Variants in MGAT4C observed in about 807,000 individuals in gnomAD.
The protein encoded by MGAT4C is alpha-1,3-mannosyl-glycoprotein 4-beta-N-acetylglucosaminyltransferase C.
A neutral mutation model predicts 40.1 loss-of-function variants in MGAT4C; 19 were observed. The observed-to-expected ratio is 0.47, with a 90% CI of 0.33 to 0.70. The LOEUF (loss-of-function observed/expected upper bound fraction) is 0.70, where lower values mean the gene tolerates loss of function less well. Ranked by LOEUF, MGAT4C falls within the 30% of genes least tolerant of loss-of-function variation. The probability of loss-of-function intolerance (pLI) is 0.02; values close to 1 mark genes in which losing one functional copy is unlikely to be tolerated. For missense variants in MGAT4C, 491 were observed against 563.2 expected (o/e 0.87, Z 1.30); for synonymous variants, 181 against 187.1 (o/e 0.97, Z 0.27).
intron 2 of MGAT4C, among the ~76,000 whole-genome samples, chr12:86,477,711 C>T (rs2136309793): frequency 6.6e-6 from 1 of 152,148 alleles, no homozygotes; most frequent in Non-Finnish European, 1.5e-5. Context: ...TCGTCATTTA[C>T]ATTAGGTATA....
chr12:86,743,419 C>T (rs1951104640), intron 1 of MGAT4C, among the ~76,000 whole-genome samples: 1 of 151,024 alleles, frequency 6.6e-6, no homozygotes, highest in South Asian at 2.1e-4. Flanking sequence ...ATAATGTATC[C>T]CAGGGGAAAA....
At chr12:86,457,563 T>C (rs1957529382) in intron 2 of MGAT4C, among the ~76,000 whole-genome samples, 1 of 152,116 alleles carries the variant, frequency 6.6e-6, no homozygotes. Context: ...ATAAAAAGAA[T>C]ATATATGCTG....
chr12:86,717,080 C>G (rs1950654992), intron 2 of MGAT4C, among the ~76,000 whole-genome samples: 1 of 151,834 alleles, frequency 6.6e-6, no homozygotes, highest in Non-Finnish European at 1.5e-5. Flanking sequence ...AAAAAATAAT[C>G]AAATGTTGTG....
intron 2 of MGAT4C, among the ~76,000 whole-genome samples, chr12:86,523,831 A>T (rs984245380): frequency 2.0e-5 from 3 of 152,090 alleles, no homozygotes; most frequent in African/African-American, 7.2e-5. Flanking sequence ...ACCCTTTATC[A>T]TTATTTAATG....
intron 4 of MGAT4C, among the ~76,000 whole-genome samples, chr12:86,316,847 A>T (rs1300837119): frequency 1.3e-5 from 2 of 152,290 alleles, no homozygotes; most frequent in East Asian, 3.9e-4. Flanking sequence ...CTGCCTACGT[A>T]CCACTCATTC....
At chr12:86,241,901 T>C (rs548924141) in intron 1 of MGAT4C, among the ~76,000 whole-genome samples, 1 of 152,210 alleles carries the variant, frequency 6.6e-6, no homozygotes, top group Admixed American at 6.6e-5. Context: ...TCCTGAGCCT[T>C]GCCTGAGCCT....
At chr12:86,210,294 G>A (rs2135956570) in intron 1 of MGAT4C, among the ~76,000 whole-genome samples, 1 of 152,278 alleles carries the variant, frequency 6.6e-6, no homozygotes, top group Non-Finnish European at 1.5e-5. Flanking sequence ...GGCAGTCACT[G>A]GCTTGCAGGT....
chr12:86,340,017 C>T (rs973444932), intron 3 of MGAT4C, among the ~76,000 whole-genome samples: 2 of 152,116 alleles, frequency 1.3e-5, no homozygotes, highest in African/African-American at 4.8e-5. Flanking sequence ...AGATGCTTGT[C>T]CCCATTTGAA....
chr12:86,462,961 C>T (rs1957623940), intron 2 of MGAT4C, among the ~76,000 whole-genome samples: 1 of 78,900 alleles, frequency 1.3e-5, no homozygotes, highest in Non-Finnish European at 2.4e-5. Flanking sequence ...CAACCAAGAA[C>T]AATACTTTCC....
intron 1 of MGAT4C, among the ~76,000 whole-genome samples, chr12:86,787,776 G>A (rs2136189905): frequency 6.6e-6 from 1 of 152,162 alleles, no homozygotes; most frequent in South Asian, 2.1e-4. Context: ...AGGACAGGAT[G>A]TCACTCTATT....
At chr12:86,147,791 T>G (rs1358327972) in intron 1 of MGAT4C, among the ~76,000 whole-genome samples, 1 of 152,198 alleles carries the variant, frequency 6.6e-6, no homozygotes, top group Non-Finnish European at 1.5e-5. Flanking sequence ...GTATAATTAC[T>G]TATGTTTACA....
At chr12:86,680,917 T>C (rs1949970482) in intron 2 of MGAT4C, among the ~76,000 whole-genome samples, 1 of 152,010 alleles carries the variant, frequency 6.6e-6, no homozygotes, top group Non-Finnish European at 1.5e-5. Context: ...GAAAACAATC[T>C]TATTTATTAT....
At chr12:86,527,186 A>G (rs1958899426) in intron 2 of MGAT4C, among the ~76,000 whole-genome samples, 1 of 152,216 alleles carries the variant, frequency 6.6e-6, no homozygotes, top group Non-Finnish European at 1.5e-5. Context: ...ATTTTTGTAC[A>G]TAATGAGAGA....
At chr12:86,711,877 A>T (rs1316728915) in intron 2 of MGAT4C, among the ~76,000 whole-genome samples, 1 of 152,204 alleles carries the variant, frequency 6.6e-6, no homozygotes, top group Non-Finnish European at 1.5e-5. Context: ...CAGCAACAGC[A>T]GAGCCATAAA....
chr12:86,305,162 T>G (rs1430916857), intron 4 of MGAT4C, among the ~76,000 whole-genome samples: 1 of 150,654 alleles, frequency 6.6e-6, no homozygotes, highest in Non-Finnish European at 1.5e-5. Context: ...CTGTTAGGCC[T>G]GGTGCAGTGG....
intron 1 of MGAT4C, among the ~76,000 whole-genome samples, chr12:86,106,300 T>A (rs1385635890): frequency 1.3e-5 from 2 of 152,132 alleles, no homozygotes; most frequent in Non-Finnish European, 2.9e-5. Flanking sequence ...TTTAGTTTTT[T>A]AGGTTAGTTT....
intron 2 of MGAT4C, among the ~76,000 whole-genome samples, chr12:86,593,564 T>C (rs1961415710): frequency 6.6e-6 from 1 of 152,156 alleles, no homozygotes; most frequent in East Asian, 1.9e-4. Context: ...TTTGGTATGA[T>C]GTGACTTCAT....
chr12:86,448,628 G>T (rs1156647401), intron 2 of MGAT4C, among the ~76,000 whole-genome samples: 4 of 152,098 alleles, frequency 2.6e-5, no homozygotes, highest in African/African-American at 9.7e-5. Context: ...GGTGCTCAAT[G>T]AATTATTTTT....
intron 1 of MGAT4C, among the ~76,000 whole-genome samples, chr12:86,740,148 GCAGA>G (rs1951046752): frequency 6.6e-6 from 1 of 150,944 alleles, no homozygotes; most frequent in African/African-American, 2.4e-5. Flanking sequence ...CAAATTCTTT[GCAGA>G]CAATGTTGAA....
Sources: allele counts gnomAD v4.1 joint callset (sites outside exome capture counted in the v4.1 genomes callset), GRCh38; gene constraint gnomAD v4.1.1; transcripts MANE v1.5; gene names NCBI Gene and HGNC (gene_info 2026-07-23, HGNC 2026-07-21).